Variants in GRM1 observed in about 807,000 individuals in gnomAD.
The protein encoded by GRM1 is glutamate metabotropic receptor 1.
In GRM1, 33 loss-of-function variants were observed where a neutral mutation model predicts 90.9. The observed-to-expected ratio is 0.36, with a 90% confidence interval of 0.28 to 0.49. The LOEUF (loss-of-function observed/expected upper bound fraction) is 0.49. GRM1 is among the 20% of genes least tolerant of loss of function. GRM1 has a pLI of 0.99. For missense variants in GRM1, 1,190 were observed against 1,534.3 expected, an observed-to-expected ratio of 0.78 and a Z score of 3.75; for synonymous variants, 700 against 613.2, an observed-to-expected ratio of 1.14 and a Z score of -2.09.
intron 1 of GRM1, among the ~76,000 whole-genome samples, chr6:146,061,560 T>G (rs1039393079): frequency 1.3e-5 from 2 of 152,036 alleles, no homozygotes; most frequent in African/African-American, 4.8e-5. Flanking sequence ...ATTCTTGCAA[T>G]CTATATATCT....
intron 1 of GRM1, among the ~76,000 whole-genome samples, chr6:146,073,602 T>A (rs1049292156): frequency 6.6e-6 from 1 of 152,202 alleles, no homozygotes; most frequent in Non-Finnish European, 1.5e-5. Context: ...AAATTATAGA[T>A]TATAACCCAC....
At chr6:146,155,127 G>T (rs570285825) in intron 1 of GRM1, among the ~76,000 whole-genome samples, 2 of 151,862 alleles carry the variant, frequency 1.3e-5, no homozygotes, top group Non-Finnish European at 2.9e-5. Flanking sequence ...ATATTTTCTC[G>T]TGGAGATTAC....
intron 1 of GRM1, among the ~76,000 whole-genome samples, chr6:146,102,934 G>A (rs1008015298): frequency 4.6e-5 from 7 of 152,158 alleles, no homozygotes; most frequent in African/African-American, 1.2e-4. Context: ...CAGACTGTGC[G>A]CTTCATTAAA....
chr6:146,176,665 T>C (rs1050936657), intron 2 of GRM1, among the ~76,000 whole-genome samples: 2 of 152,098 alleles, frequency 1.3e-5, no homozygotes, highest in African/African-American at 4.8e-5. Context: ...ATATATTAAA[T>C]ATTGTATATT....
chr6:146,282,151 G>A (rs1317240199), intron 2 of GRM1, among the ~76,000 whole-genome samples: 3 of 152,096 alleles, frequency 2.0e-5, no homozygotes, highest in Non-Finnish European at 4.4e-5. Context: ...ACTCTTTCCT[G>A]TCTGTCTTTG....
chr6:146,260,584 C>T (rs987477814), intron 2 of GRM1, among the ~76,000 whole-genome samples: 4 of 152,038 alleles, frequency 2.6e-5, no homozygotes, highest in African/African-American at 7.2e-5. Flanking sequence ...ACACTGTCTT[C>T]CACAGTGGTC....
At chr6:146,229,329 G>C (rs78264162) in intron 2 of GRM1, among the ~76,000 whole-genome samples, 2,336 of 150,544 alleles carry the variant, frequency 0.016, 30 homozygotes, top group Non-Finnish European at 0.025. Flanking sequence ...AACTTCTCTG[G>C]GTACCAATGT....
At chr6:146,331,044 T>A (rs1202543940) in intron 3 of GRM1, among the ~76,000 whole-genome samples, 1 of 152,180 alleles carries the variant, frequency 6.6e-6, no homozygotes, top group Non-Finnish European at 1.5e-5. Flanking sequence ...CTATACACGA[T>A]GTGCTAATTG....
intron 2 of GRM1, among the ~76,000 whole-genome samples, chr6:146,267,870 T>G (rs1319624515): frequency 6.6e-6 from 1 of 152,150 alleles, no homozygotes; most frequent in Non-Finnish European, 1.5e-5. Context: ...GTTAATCTCT[T>G]TTGGCAACAG....
chr6:146,320,214 G>A (rs984236906), intron 3 of GRM1, among the ~76,000 whole-genome samples: 3 of 152,106 alleles, frequency 2.0e-5, no homozygotes, highest in Non-Finnish European at 4.4e-5. Flanking sequence ...TACATCTATT[G>A]AGATAATCAT....
chr6:146,056,360 T>G (rs1363099125), intron 1 of GRM1, among the ~76,000 whole-genome samples: 4 of 152,072 alleles, frequency 2.6e-5, no homozygotes. Context: ...AGGTCTCTTA[T>G]TTAAAGAAAA....
intron 2 of GRM1, among the ~76,000 whole-genome samples, chr6:146,189,953 T>A (rs906796390): frequency 2.0e-5 from 3 of 152,198 alleles, no homozygotes; most frequent in African/African-American, 7.2e-5. Context: ...CAGAATTCTA[T>A]GTTACAGTGT....
intron 2 of GRM1, among the ~76,000 whole-genome samples, chr6:146,257,486 T>A (rs1781523214): frequency 1.3e-5 from 2 of 151,722 alleles, no homozygotes; most frequent in South Asian, 4.1e-4. Context: ...TGTGTGTGCG[T>A]ATGTGTGTGT....
intron 2 of GRM1, among the ~76,000 whole-genome samples, chr6:146,217,368 C>A (rs1186819036): frequency 6.6e-6 from 1 of 152,162 alleles, no homozygotes; most frequent in Non-Finnish European, 1.5e-5. Context: ...ATTGACTTCA[C>A]TTGCGTTCTT....
intron 1 of GRM1, among the ~76,000 whole-genome samples, chr6:146,135,156 G>T (rs762008457): frequency 6.6e-6 from 1 of 152,100 alleles, no homozygotes; most frequent in African/African-American, 2.4e-5. Context: ...ACCCTAAGAG[G>T]TGGTTACTAT....
At position 146,178,029 on chromosome 6, in the gene GRM1, G is replaced by T. The variant is rs1011341856; in HGVS notation, c.950+18432G>T. ...CATATTTTATTAGTAGAGTACATTTGTTACAATTAATGAATCAATATTGAT... is the reference window on the plus strand; with the variant it reads ...CATATTTTATTAGTAGAGTACATTTTTTACAATTAATGAATCAATATTGAT... On this transcript the variant is annotated intron_variant, in intron 2 of 7. Coordinates refer to ENST00000282753, the MANE Select transcript of GRM1 (RefSeq NM_001278064.2). 2.0e-5 allele frequency among the ~76,000 whole-genome samples: 3 copies of T among 152,108 alleles called. No individual in the cohort carries two copies. The East Asian group carries it at 5.8e-4, about 29-fold the overall frequency.
chr6:146,087,561 CTTTG>C (rs147905243), intron 1 of GRM1, among the ~76,000 whole-genome samples: 143 of 152,258 alleles, frequency 9.4e-4, no homozygotes, highest in African/African-American at 3.4e-3. Context: ...CAAAGATCCT[CTTTG>C]TTTGTCCTTG....
intron 3 of GRM1, among the ~76,000 whole-genome samples, chr6:146,334,224 G>A (rs145018330): frequency 3.9e-4 from 59 of 152,286 alleles, no homozygotes; most frequent in African/African-American, 1.3e-3. Flanking sequence ...AGTCCAGGCA[G>A]TACTCCTTGG....
intron 2 of GRM1, among the ~76,000 whole-genome samples, chr6:146,283,906 G>T (rs1782669840): frequency 6.6e-6 from 1 of 152,204 alleles, no homozygotes; most frequent in African/African-American, 2.4e-5. Flanking sequence ...AGATAATACA[G>T]AAACAGTTGG....
Sources: allele counts gnomAD v4.1 joint callset (sites outside exome capture counted in the v4.1 genomes callset), GRCh38; gene constraint gnomAD v4.1.1; transcripts MANE v1.5; gene names NCBI Gene and HGNC (gene_info 2026-07-23, HGNC 2026-07-21).